The following TARS1 variants were observed in gnomAD, a reference collection of about 807,000 sequenced individuals.
The protein encoded by TARS1 is threonine--tRNA ligase 1, cytoplasmic.
Under a neutral mutation model 97.7 loss-of-function variants are expected in TARS1, and 57 were observed. That is an observed-to-expected ratio of 0.58 (90% CI 0.47 to 0.73). TARS1 has a LOEUF of 0.73. Ranked by LOEUF, TARS1 falls within the 30% of genes least tolerant of loss-of-function variation. The pLI, the probability that TARS1 is intolerant of heterozygous loss-of-function variation, is 0.00. For synonymous variants in TARS1, 312 were observed against 293.7 expected (o/e 1.06, Z -0.64); for missense variants, 806 against 888.3 (o/e 0.91, Z 1.18).
At chr5:33,444,673 TTTCTGACAACAAGC>T (rs1387362654) in intron 1 of TARS1, among the ~76,000 whole-genome samples, 1 of 152,250 alleles carries the variant, frequency 6.6e-6, no homozygotes, top group Admixed American at 6.5e-5. Context: ...AATTTTAACA[TTTCTGACAACAAGC>T]TTATGTGTAC....
rs751451024 is a variant in TARS1, at chr5:33,459,825, T to A, written c.1214T>A (p.Leu405Gln). The A allele has an allele frequency of 3.1e-6, 5 of 1,614,142 alleles. No individual in the cohort carries two copies. Among genetic ancestry groups the A allele is most frequent in the Non-Finnish European group, 4.2e-6 (5 of 1,179,984 alleles). ...TTCTCCTTTGAGGTGGAGAAGGAGC[T>A]GTTTGCCCTGAAACCCATGAACTGC... ...NMFSFEVEKE[L>Q]FALKPMNCPG... Residue 405 changes from leucine to glutamine, a missense_variant, in exon 11 of 19, where the codon CTG (leucine) becomes CAG (glutamine). Physicochemically the swap from Leu to Gln is moderately radical, Grantham distance 113 (BLOSUM62 -2). Around this residue, in one of 3 missense-constraint regions of TARS1, gnomAD observed 446 missense variants for 511.0 expected, o/e 0.87. Transcript: ENST00000265112.
rs765673588 is a variant in TARS1, at chr5:33,461,655, C to T, written c.1552-12C>T. 12 of 1,610,448 alleles carry T rather than the reference C, an allele frequency of 7.5e-6. No individual in the cohort carries two copies. The highest frequency in any genetic ancestry group is 1.0e-5 in the Non-Finnish European group (12 of 1,178,860). On this transcript the variant is annotated splice_polypyrimidine_tract_variant and intron_variant, in intron 13 of 18. Coordinates refer to ENST00000265112, the MANE Select transcript of TARS1 (RefSeq NM_152295.5). ...GATGAAAAAAATAAAAATCATTTTG[C>T]TTTATCCTCAGCAACTTGAAAACAG...
chr5:33,456,972 T>C (rs1051399584), intron 8 of TARS1, among the ~76,000 whole-genome samples: 3 of 152,302 alleles, frequency 2.0e-5, no homozygotes, highest in Non-Finnish European at 2.9e-5. Context: ...AATTTTCTTT[T>C]TTTTAAATAA....
chr5:33,448,700 A>C lies in TARS1; in HGVS notation c.298A>C (p.Thr100Pro), dbSNP rs754655606. The change falls in exon 3 of 19, where the codon ACT becomes CCT. Residue 100 changes from threonine (T) to proline (P), a missense_variant. By Grantham distance (38) the Thr-to-Pro change is conservative. This residue lies in a region of TARS1 where 356 missense variants were observed against 357.8 expected (regional missense o/e 0.99). Transcript: ENST00000265112. ...GKQVDAESWKTTPYQIACGIS... is the reference protein window; with the variant it reads ...GKQVDAESWKPTPYQIACGIS... ...ACAGGTTGATGCGGAATCTTGGAAAACTACACCATATCAAATTGCCTGTGG... is the reference window on the plus strand; with the variant it reads ...ACAGGTTGATGCGGAATCTTGGAAACCTACACCATATCAAATTGCCTGTGG... 3.1e-6 allele frequency: 5 copies of C among 1,613,598 alleles called. No homozygotes were observed. The highest frequency in any genetic ancestry group is 4.2e-6 in the Non-Finnish European group (5 of 1,179,828).
In TARS1 at chr5:33,448,616, C is replaced by A; in HGVS notation, c.214C>A (p.Leu72Met). The change falls in exon 3 of 19, where the codon CTG becomes ATG. Residue 72 changes from leucine (L) to methionine (M), a missense_variant. Around this residue, in one of 3 missense-constraint regions of TARS1, gnomAD observed 356 missense variants for 357.8 expected, o/e 0.99. Coordinates refer to ENST00000265112, the MANE Select transcript of TARS1 (RefSeq NM_152295.5). Reference sequence around the variant, plus strand: ...ACTAAAAGCAGAACATGATTCCATTCTGGCAGAAAAGGCAGAAAAAGATAG... The same window carrying A: ...ACTAAAAGCAGAACATGATTCCATTATGGCAGAAAAGGCAGAAAAAGATAG... ...NILKAEHDSI[L>M]AEKAEKDSKP... The A allele has an allele frequency of 6.2e-7, 1 of 1,613,842 alleles. No individual in the cohort carries two copies. The highest frequency in any genetic ancestry group is 1.7e-4 in the Middle Eastern group (1 of 6,058).
chr5:33,460,936 G>C lies in TARS1; in HGVS notation c.1285G>C (p.Glu429Gln), dbSNP rs1487889816. ...MFDHRPRSWR[E>Q]LPLRLADFGV... ...TGATCATCGGCCAAGGTCCTGGCGA[G>C]AACTGCCTCTGCGGCTAGCTGATTT... Residue 429 changes from glutamate (E) to glutamine (Q), a missense_variant, in exon 12 of 19, where the codon GAA becomes CAA. By Grantham distance (29) the Glu-to-Gln change is conservative. Coordinates refer to ENST00000265112, the MANE Select transcript of TARS1 (RefSeq NM_152295.5). 1.2e-6 allele frequency: 2 copies of C among 1,614,156 alleles called. No homozygotes were observed. Among genetic ancestry groups the C allele is most frequent in the Non-Finnish European group, 1.7e-6 (2 of 1,180,030 alleles).
At position 33,457,280 on chromosome 5, in the gene TARS1, C is replaced by G. The variant is rs769868077; in HGVS notation, c.861C>G (p.Gly287=). The stretch of plus-strand genomic sequence containing the variant: ...AGAATTCCTCCACGTACTGGGAAGG[C>G]AAAGCAGATATGGAGACTCTCCAGA... The part of the protein sequence containing the change: ...IHKNSSTYWE[G]KADMETLQRI... Residue 287 remains glycine (G), a synonymous_variant, in exon 9 of 19, where the codon GGC becomes GGG. Transcript: ENST00000265112. 79 of 1,613,724 alleles carry G rather than the reference C, an allele frequency of 4.9e-5. No individual in the cohort carries two copies. Among genetic ancestry groups the G allele is most frequent in the Non-Finnish European group, 5.8e-5 (69 of 1,179,908 alleles).
intron 2 of TARS1, among the ~76,000 whole-genome samples, chr5:33,448,033 T>C: frequency 6.6e-6 from 1 of 152,218 alleles, no homozygotes; most frequent in Non-Finnish European, 1.5e-5. Context: ...AGTTGCTAAT[T>C]ACATACTCCA....
intron 4 of TARS1, among the ~76,000 whole-genome samples, chr5:33,453,762 C>T (rs544385569): frequency 1.0e-3 from 153 of 151,384 alleles, no homozygotes; most frequent in African/African-American, 3.6e-3. Flanking sequence ...CTTTGTCACT[C>T]AGACTGTAGT....
intron 11 of TARS1, among the ~76,000 whole-genome samples, chr5:33,460,476 A>G (rs186535333): frequency 6.6e-6 from 1 of 152,212 alleles, no homozygotes; most frequent in Admixed American, 6.5e-5. Context: ...TCTGCTTTCT[A>G]TCTTTGAAAG....
At position 33,445,324 on chromosome 5, in the gene TARS1, A is replaced by G; in HGVS notation, c.58A>G (p.Ile20Val). The change falls in exon 2 of 19, where the codon ATT becomes GTT. Residue 20 changes from isoleucine to valine, a missense_variant and splice_region_variant. Physicochemically the swap from Ile to Val is conservative, Grantham distance 29. This residue lies in a region of TARS1 where 356 missense variants were observed against 357.8 expected (regional missense o/e 0.99). Coordinates refer to ENST00000265112, the MANE Select transcript of TARS1 (RefSeq NM_152295.5). Reference sequence around the variant, plus strand: ...TATAAAACGTTTTTTGCTTATTTAGATTGGTGCTGGTGAAGAGAAGCAAAA... The same window carrying G: ...TATAAAACGTTTTTTGCTTATTTAGGTTGGTGCTGGTGAAGAGAAGCAAAA... ...SGKMGGEEKP[I>V]GAGEEKQKEG... The G allele has an allele frequency of 6.2e-7, 1 of 1,610,842 alleles. No individual in the cohort carries two copies.
chr5:33,465,103 A>T (rs59128488), intron 17 of TARS1, among the ~76,000 whole-genome samples: 5,398 of 152,234 alleles, frequency 0.035, 345 homozygotes, highest in African/African-American at 0.12. Context: ...AATAAATAAA[A>T]AAAATGAAGT....
intron 3 of TARS1, among the ~76,000 whole-genome samples, chr5:33,449,656 C>T (rs1324420686): frequency 1.3e-5 from 2 of 151,702 alleles, no homozygotes; most frequent in Admixed American, 1.3e-4. Context: ...GGGGTTTCAC[C>T]GTGCTAGCCA....
At chr5:33,458,819 ATAGTTGATT>A (rs1258805242) in intron 10 of TARS1, among the ~76,000 whole-genome samples, 155 bp downstream of exon 10, 1 of 152,202 alleles carries the variant, frequency 6.6e-6, no homozygotes, top group Non-Finnish European at 1.5e-5. Flanking sequence ...ATCATCCCTA[ATAGTTGATT>A]TTGCCCATAT....
At position 33,466,950 on chromosome 5, in the gene TARS1, G is replaced by A; in HGVS notation, c.1988G>A (p.Arg663Gln). The change falls in exon 18 of 19, where the codon CGA becomes CAA. Residue 663 changes from arginine (R) to glutamine (Q), a missense_variant. This residue lies in a region of TARS1 where 446 missense variants were observed against 511.0 expected (regional missense o/e 0.87). Transcript: ENST00000265112. ...DPGCTLNKKI[R>Q]NAQLAQYNFI... ...GGCTGTACATTGAATAAAAAGATTC[G>A]AAATGCACAGTTAGCACAGTATAAC... 2.5e-6 allele frequency: 4 copies of A among 1,606,210 alleles called. No homozygotes were observed. The highest frequency in any genetic ancestry group is 2.2e-5 in the South Asian group (2 of 89,874).
intron 1 of TARS1, chr5:33,441,462 G>C: frequency 3.2e-6 from 1 of 313,476 alleles, no homozygotes; most frequent in Non-Finnish European, 6.0e-6. Flanking sequence ...TCTTAGGCTT[G>C]AGGCTTCCAA....
chr5:33,458,577 A>C lies in TARS1; in HGVS notation c.996A>C (p.Leu332=). Residue 332 remains leucine, a synonymous_variant, in exon 10 of 19, where the codon CTA becomes CTC. Coordinates refer to ENST00000265112, the MANE Select transcript of TARS1 (RefSeq NM_152295.5). ...TTTCTTTTACCCAGGACCAAGAACTATATTTCTTTCATGAACTCAGCCCTG... is the reference window on the plus strand; with the variant it reads ...TTTCTTTTACCCAGGACCAAGAACTCTATTTCTTTCATGAACTCAGCCCTG... ...DHRKIGRDQE[L]YFFHELSPGS... 6.2e-7 allele frequency: 1 copy of C among 1,613,146 alleles called. No individual in the cohort carries two copies. Among genetic ancestry groups the C allele is most frequent in the Non-Finnish European group, 8.5e-7 (1 of 1,179,620 alleles).
intron 9 of TARS1, among the ~76,000 whole-genome samples, chr5:33,458,083 G>A (rs1742115251): frequency 6.6e-6 from 1 of 152,166 alleles, no homozygotes; most frequent in Admixed American, 6.5e-5. Flanking sequence ...AAGGAGGTAG[G>A]AGGGTGTGTT....
In TARS1 at chr5:33,466,880, C is replaced by T. The variant is rs1454226466; in HGVS notation, c.1918C>T (p.Gln640Ter). Residue 640 changes from glutamine (Q) to a stop codon, truncating the protein, a stop_gained, in exon 18 of 19, where the codon CAA (glutamine) becomes TAA (stop). Coordinates refer to ENST00000265112, the MANE Select transcript of TARS1 (RefSeq NM_152295.5). LOFTEE classifies it high-confidence loss of function. ...CDEYAQKVRQQFHDAKFMADI... is the reference protein window; with the variant it reads ...CDEYAQKVRQ The stretch of plus-strand genomic sequence containing the variant: ...ATCTCTGTTACAATAGGTACGACAA[C>T]AATTCCACGATGCCAAATTCATGGC... 1 of 1,596,324 alleles carries T rather than the reference C, an allele frequency of 6.3e-7. No homozygotes were observed.
Sources: allele counts gnomAD v4.1 joint callset (sites outside exome capture counted in the v4.1 genomes callset), GRCh38; gene constraint gnomAD v4.1.1; regional missense constraint gnomAD v4.1.1; transcripts MANE v1.5; gene names NCBI Gene and HGNC (gene_info 2026-07-23, HGNC 2026-07-21).